NECTIN1: variants seen among roughly 807,000 people sequenced by gnomAD.
The protein encoded by NECTIN1 is nectin-1.
Under a neutral mutation model 48.0 loss-of-function variants are expected in NECTIN1, and 23 were observed. The ratio of observed to expected loss-of-function variants is 0.48; its 90% confidence interval spans 0.34 to 0.68. The LOEUF (loss-of-function observed/expected upper bound fraction) is 0.68. Ranked by LOEUF, NECTIN1 falls within the 30% of genes least tolerant of loss-of-function variation. The probability of loss-of-function intolerance (pLI) is 0.01; values close to 1 mark genes in which losing one functional copy is unlikely to be tolerated. For missense variants in NECTIN1, 591 were observed against 709.9 expected (o/e 0.83, Z 1.90); for synonymous variants, 270 against 288.9 (o/e 0.93, Z 0.66).
intron 4 of NECTIN1, 102 bp from the exon 5 acceptor site, chr11:119,675,412 A>G (rs1864929983): frequency 1.7e-6 from 2 of 1,205,648 alleles, no homozygotes; most frequent in African/African-American, 3.0e-5. Flanking sequence ...CCTTTTGCTG[A>G]GCTTGTGTGG....
At position 119,665,103 on chromosome 11, in the gene NECTIN1, A is replaced by G. The variant is rs1864739998; in HGVS notation, c.1198T>C (p.Tyr400His). The change falls in exon 6 of 6, where the codon TAC (tyrosine) becomes CAC (histidine). Residue 400 changes from tyrosine to histidine, a missense_variant. Tyr to His is a moderately conservative substitution (Grantham distance 83). Coordinates refer to ENST00000264025, the MANE Select transcript of NECTIN1 (RefSeq NM_002855.5). This position sits in a 1 kb window ranked among gnomAD's most constrained non-coding sequence, Gnocchi z 5.1. ...TGCTGGGGGATGCCTGCCTTGCTGT[A>G]GCCGTTGCCATACACGTGCTTCTTG... ...STKKHVYGNGYSKAGIPQHHP... is the reference protein window; with the variant it reads ...STKKHVYGNGHSKAGIPQHHP... 3 of 1,613,922 alleles carry G rather than the reference A, an allele frequency of 1.9e-6. No homozygotes were observed. Among genetic ancestry groups the G allele is most frequent in the Non-Finnish European group, 2.5e-6 (3 of 1,179,984 alleles).
intron 1 of NECTIN1, among the ~76,000 whole-genome samples, chr11:119,690,902 G>A (rs1008764437): frequency 6.6e-6 from 1 of 151,992 alleles, no homozygotes. Flanking sequence ...CCTACCTTCC[G>A]GCTCAACTAC....
At chr11:119,686,902 G>A (rs1865167863) in intron 1 of NECTIN1, among the ~76,000 whole-genome samples, 1 of 152,184 alleles carries the variant, frequency 6.6e-6, no homozygotes. Flanking sequence ...AATGAACCCA[G>A]TGCCTGGCAC....
intron 1 of NECTIN1, among the ~76,000 whole-genome samples, chr11:119,707,077 A>C (rs891489864): frequency 6.6e-6 from 1 of 152,162 alleles, no homozygotes; most frequent in Non-Finnish European, 1.5e-5. Context: ...TAGGCCCACT[A>C]CTGCCCCTGC....
chr11:119,647,663 A>C (rs1250624094), intron 5 of NECTIN1, among the ~76,000 whole-genome samples: 1 of 152,116 alleles, frequency 6.6e-6, no homozygotes, highest in Non-Finnish European at 1.5e-5. Flanking sequence ...GGCGGGGGGA[A>C]GCACCAAATC....
At chr11:119,728,063 G>T (rs1456475704) in intron 1 of NECTIN1, among the ~76,000 whole-genome samples, 1 of 152,216 alleles carries the variant, frequency 6.6e-6, no homozygotes, top group Non-Finnish European at 1.5e-5. Context: ...CCGCAGCTCC[G>T]AGACTGACGC....
At position 119,727,683 on chromosome 11, in the gene NECTIN1, C is replaced by T. The variant is rs919529444; in HGVS notation, c.79+792G>A. 6.6e-6 allele frequency among the ~76,000 whole-genome samples: 1 copy of T among 152,178 alleles called. No homozygotes were observed. Among genetic ancestry groups the T allele is most frequent in the Non-Finnish European group, 1.5e-5 (1 of 68,026 alleles). ...CCACCAGGGCCACCCCGGGGTCGGG[C>T]GCGAGGTTAACCCCTCGGCTGCCGG... is the stretch of plus-strand genomic sequence containing the variant. On this transcript the variant is annotated intron_variant, in intron 1 of 5. Coordinates refer to ENST00000264025, the MANE Select transcript of NECTIN1 (RefSeq NM_002855.5). The surrounding 1 kb of genome is among the most constrained non-coding windows in gnomAD (Gnocchi z 4.1).
chr11:119,643,676 G>C (rs930906671), intron 5 of NECTIN1, among the ~76,000 whole-genome samples: 2 of 152,202 alleles, frequency 1.3e-5, no homozygotes, highest in South Asian at 4.1e-4. Flanking sequence ...GCCCCAGCCA[G>C]AACCCTGGCA....
chr11:119,669,785 G>T (rs1378385673), intron 5 of NECTIN1, among the ~76,000 whole-genome samples: 2 of 151,938 alleles, frequency 1.3e-5, no homozygotes, highest in Non-Finnish European at 2.9e-5. Context: ...GGGCCCCCAG[G>T]TTCACTCCTT....
chr11:119,660,461 G>T (rs73573185), downstream of NECTIN1, among the ~76,000 whole-genome samples: 13,666 of 152,094 alleles, frequency 0.09, 1,816 homozygotes, highest in African/African-American at 0.29. Flanking sequence ...CGGGGCAGTA[G>T]CTTCGAAATA....
intron 1 of NECTIN1, among the ~76,000 whole-genome samples, chr11:119,722,911 C>T (rs980821712): frequency 6.6e-6 from 1 of 152,258 alleles, no homozygotes; most frequent in Non-Finnish European, 1.5e-5. Context: ...TTCTCAATCT[C>T]ATCTTCACAA....
intron 1 of NECTIN1, among the ~76,000 whole-genome samples, chr11:119,691,918 C>T (rs1865260933): frequency 6.6e-6 from 1 of 152,178 alleles, no homozygotes; most frequent in Non-Finnish European, 1.5e-5. Flanking sequence ...TGGCAAAATG[C>T]TGAGGGGAGC....
At chr11:119,689,016 G>T (rs1235103815) in intron 1 of NECTIN1, among the ~76,000 whole-genome samples, 1 of 152,098 alleles carries the variant, frequency 6.6e-6, no homozygotes, top group Non-Finnish European at 1.5e-5. Flanking sequence ...TGCCAAGGTA[G>T]GGGCTGCGCT....
intron 5 of NECTIN1, chr11:119,674,302 C>T: frequency 7.7e-7 from 1 of 1,292,780 alleles, no homozygotes; most frequent in Non-Finnish European, 1.0e-6. Context: ...AAGACGCTCC[C>T]CATGTGAAGT....
rs60998928 is a variant in NECTIN1, at chr11:119,692,411, A to ATGTGTGTGTGTGTGTGTGTG, written c.80-13666_80-13647dup. Among the ~76,000 whole-genome samples, 391 of 142,514 alleles carry ATGTGTGTGTGTGTGTGTGTG rather than the reference A, an allele frequency of 2.7e-3. 1 individual carries two copies. Among genetic ancestry groups the ATGTGTGTGTGTGTGTGTGTG allele is most frequent in the East Asian group, 0.018 (81 of 4,604 alleles). The allele number at this position is 142,514 out of a possible 152,430, so 93.5% of individuals were successfully genotyped here. ...AGCCGAGAAGTGGCTTGTGGCAGTGATGTGTGTGTGTGTGTGTGTGGGTGG... is the reference window on the plus strand; with the variant it reads ...AGCCGAGAAGTGGCTTGTGGCAGTGATGTGTGTGTGTGTGTGTGTGTGTGTGTGTGTGTGTGTGTGGGTGG... On this transcript the variant is annotated intron_variant, in intron 1 of 5. Transcript: ENST00000264025.
In NECTIN1 at chr11:119,664,741, G is replaced by C. The variant is rs755167837; in HGVS notation, c.*6C>G. On this transcript the variant is annotated 3_prime_UTR_variant, in exon 6 of 6. Coordinates refer to ENST00000264025, the MANE Select transcript of NECTIN1 (RefSeq NM_002855.5). ...GCGGTCACAGACAGAGGCTCTGGAA[G>C]GGGGGCTACACGTACCACTCCTTCT... 2.2e-5 allele frequency: 35 copies of C among 1,605,586 alleles called. No homozygotes were observed. Among genetic ancestry groups the C allele is most frequent in the Non-Finnish European group, 2.7e-5 (32 of 1,175,348 alleles).
rs1865129944 is a variant in NECTIN1 at position 119,684,942 on chromosome 11, C to T, written c.80-6177G>A. ...GATTCACGGGTGCCCAGGCTGCCCC[C>T]TCCTGCCTCCAGACTCCCCTCTACA... On this transcript the variant is annotated intron_variant, in intron 1 of 5. Coordinates refer to ENST00000264025, the MANE Select transcript of NECTIN1 (RefSeq NM_002855.5). This position sits in a 1 kb window ranked among gnomAD's most constrained non-coding sequence, Gnocchi z 5.2. Among the ~76,000 whole-genome samples, 2 of 152,068 alleles carry T rather than the reference C, an allele frequency of 1.3e-5. No individual in the cohort carries two copies.
chr11:119,695,832 C>G (rs1865333332), intron 1 of NECTIN1, among the ~76,000 whole-genome samples: 1 of 152,188 alleles, frequency 6.6e-6, no homozygotes, highest in Non-Finnish European at 1.5e-5. Flanking sequence ...AAGTGCTGAT[C>G]CCATCACGCT....
Position 119,664,761 on chromosome 11 carries a change from CCTT to C in NECTIN1, c.1537_1539del (p.Lys513del), listed in dbSNP as rs1324253149. 2.5e-6 allele frequency: 4 copies of C among 1,611,524 alleles called. No homozygotes were observed. The highest frequency in any genetic ancestry group is 1.7e-5 in the Admixed American group (1 of 59,814). On this transcript the variant is annotated inframe_deletion, in exon 6 of 6. Transcript: ENST00000264025. ...TGGAAGGGGGGCTACACGTACCACT[CCTT>C]CTTGGAAATGAAAGACCCGTCGTTC...
Sources: gnomAD v4.1 joint callset for allele counts (sites outside exome capture counted in the v4.1 genomes callset) on GRCh38, gnomAD v4.1.1 for gene constraint, Gnocchi (gnomAD v3.1) non-coding constraint, MANE v1.5 for transcripts, NCBI Gene and HGNC (gene_info 2026-07-23, HGNC 2026-07-21) for gene names.